Variants in RSPO2 observed in about 807,000 individuals in gnomAD.
RSPO2 encodes R-spondin 2.
In RSPO2, 14 loss-of-function variants were observed where a neutral mutation model predicts 30.9. The observed-to-expected ratio is 0.45, with a 90% CI of 0.30 to 0.71. RSPO2 has a LOEUF of 0.71. RSPO2 is among the 30% of genes least tolerant of loss of function. RSPO2 has a pLI of 0.08. For missense variants in RSPO2, 264 were observed against 301.9 expected, an observed-to-expected ratio of 0.87 and a Z score of 0.93; for synonymous variants, 107 against 96.4, an observed-to-expected ratio of 1.11 and a Z score of -0.64.
At chr8:108,028,791 T>C (rs959812912) in intron 2 of RSPO2, among the ~76,000 whole-genome samples, 1 of 152,154 alleles carries the variant, frequency 6.6e-6, no homozygotes, top group Non-Finnish European at 1.5e-5. Flanking sequence ...CATGATGCCT[T>C]GTCATCCTTC....
chr8:107,905,786 C>T (rs56656218), intron 5 of RSPO2, among the ~76,000 whole-genome samples: 33,476 of 141,304 alleles, frequency 0.24, 4,097 homozygotes, highest in Middle Eastern at 0.38. Context: ...TTTTTTTTTT[C>T]CCATATGGGC....
At chr8:108,025,439 C>A (rs1375725863) in intron 2 of RSPO2, among the ~76,000 whole-genome samples, 1 of 152,154 alleles carries the variant, frequency 6.6e-6, no homozygotes, top group Non-Finnish European at 1.5e-5. Flanking sequence ...GAATAAATGG[C>A]AGTAAGAGAT....
At chr8:108,034,737 C>T (rs996540685) in intron 2 of RSPO2, among the ~76,000 whole-genome samples, 1 of 152,158 alleles carries the variant, frequency 6.6e-6, no homozygotes. Context: ...GGAGATTTTG[C>T]TGTGCCCTGG....
intron 3 of RSPO2, among the ~76,000 whole-genome samples, chr8:107,985,476 T>C (rs1413661055): frequency 6.6e-6 from 1 of 152,158 alleles, no homozygotes; most frequent in Non-Finnish European, 1.5e-5. Flanking sequence ...GGCATGAAAA[T>C]ATGTTCATAA....
At chr8:108,073,192 TC>T (rs1457974091) in intron 2 of RSPO2, 2 of 152,238 alleles carry the variant, frequency 1.3e-5, no homozygotes, top group African/African-American at 4.8e-5. Context: ...GTTCCTTTGT[TC>T]TCTCTGTGAT....
intron 5 of RSPO2, among the ~76,000 whole-genome samples, chr8:107,947,730 C>G (rs542306015): frequency 6.6e-6 from 1 of 152,228 alleles, no homozygotes; most frequent in African/African-American, 2.4e-5. Flanking sequence ...CAGCTTTCTA[C>G]TGAAACACCT....
intron 3 of RSPO2, among the ~76,000 whole-genome samples, chr8:107,977,216 T>C (rs912714580): frequency 6.6e-6 from 1 of 152,220 alleles, no homozygotes; most frequent in Non-Finnish European, 1.5e-5. Flanking sequence ...AAACTCGTCT[T>C]CCATTAAATA....
At chr8:107,920,207 A>G (rs1243740564) in intron 5 of RSPO2, among the ~76,000 whole-genome samples, 1 of 152,136 alleles carries the variant, frequency 6.6e-6, no homozygotes, top group Non-Finnish European at 1.5e-5. Flanking sequence ...TTTAATTACT[A>G]TGGCTACCAC....
chr8:108,012,517 T>C (rs1270130268), intron 2 of RSPO2, among the ~76,000 whole-genome samples: 6 of 152,378 alleles, frequency 3.9e-5, no homozygotes, highest in African/African-American at 9.6e-5. Context: ...TTTTCCTACA[T>C]ATAGATGAAA....
chr8:107,926,490 G>A (rs541551002), intron 5 of RSPO2, among the ~76,000 whole-genome samples: 245 of 151,892 alleles, frequency 1.6e-3, no homozygotes, highest in Middle Eastern at 6.8e-3. Flanking sequence ...CCTATGTCCA[G>A]AATAGTATTG....
chr8:108,056,612 C>T (rs1484952010), intron 2 of RSPO2, among the ~76,000 whole-genome samples: 4 of 105,992 alleles, frequency 3.8e-5, no homozygotes, highest in Non-Finnish European at 7.1e-5. Context: ...GACACAGAGC[C>T]AGACCCGTCT....
In RSPO2 at chr8:107,900,950, T is replaced by C. The variant is rs760775523; in HGVS notation, c.*125A>G. On this transcript the variant is annotated 3_prime_UTR_variant, in exon 6 of 6. Transcript: ENST00000276659. ...ATGCTGGTGGTGCTTCCTTTCACCA[T>C]GTTACTGGGAACAGATACTGGGCAG... 5 of 980,186 alleles carry C rather than the reference T, an allele frequency of 5.1e-6. No individual in the cohort carries two copies. The highest frequency in any genetic ancestry group is 7.5e-6 in the Non-Finnish European group (5 of 665,476). 60.7% of individuals were successfully genotyped at this position (980,186 alleles called of 1,614,324 possible). A position where few individuals can be genotyped will look rare whatever the true frequency, so the allele number is the denominator to read the frequency against.
chr8:107,976,118 C>A lies in RSPO2; in HGVS notation c.283+12938G>T, dbSNP rs185133667. ...TCCCTTTTCAATTTGGAAAAGAAACCAGCACAAAAGAATGCTGAAAGTGTA... is the reference window on the plus strand; with the variant it reads ...TCCCTTTTCAATTTGGAAAAGAAACAAGCACAAAAGAATGCTGAAAGTGTA... On this transcript the variant is annotated intron_variant, in intron 3 of 5. Coordinates refer to ENST00000276659, the MANE Select transcript of RSPO2 (RefSeq NM_178565.5). Among the ~76,000 whole-genome samples, 7 of 152,324 alleles carry A rather than the reference C, an allele frequency of 4.6e-5. No homozygotes were observed. In the East Asian group the frequency reaches 9.6e-4, roughly 21 times the overall value.
intron 3 of RSPO2, among the ~76,000 whole-genome samples, chr8:107,963,191 G>T (rs1813685734): frequency 6.6e-6 from 1 of 151,306 alleles, no homozygotes; most frequent in Non-Finnish European, 1.5e-5. Flanking sequence ...AAAGTACAAG[G>T]TGAAGTATAA....
chr8:107,975,971 A>G (rs1321470985), intron 3 of RSPO2, among the ~76,000 whole-genome samples: 2 of 152,218 alleles, frequency 1.3e-5, no homozygotes, highest in Non-Finnish European at 2.9e-5. Flanking sequence ...CCAGGGTATT[A>G]ACCAGCTGGT....
chr8:107,955,153 A>T (rs498232), intron 5 of RSPO2, among the ~76,000 whole-genome samples: 1 of 151,808 alleles, frequency 6.6e-6, no homozygotes, highest in Non-Finnish European at 1.5e-5. Flanking sequence ...GTGAAACTAC[A>T]CTCCTGGCCT....
At chr8:108,011,134 G>GAAAAAAAAAAAAAAAAA (rs66722934) in intron 2 of RSPO2, among the ~76,000 whole-genome samples, 5 of 100,452 alleles carry the variant, frequency 5.0e-5, no homozygotes, top group African/African-American at 1.1e-4. Flanking sequence ...CTCCGTCCCA[G>GAAAAAAAAAAAAAAAAA]AAAAAAAAAA....
At chr8:107,915,238 A>T (rs957687542) in intron 5 of RSPO2, among the ~76,000 whole-genome samples, 1 of 152,172 alleles carries the variant, frequency 6.6e-6, no homozygotes, top group Admixed American at 6.5e-5. Context: ...AAAACCAAAA[A>T]ATCTGGATAT....
At chr8:107,925,945 G>A (rs1812356193) in intron 5 of RSPO2, among the ~76,000 whole-genome samples, 1 of 152,112 alleles carries the variant, frequency 6.6e-6, no homozygotes, top group Admixed American at 6.6e-5. Context: ...GGGTCAAATA[G>A]TATTTCTAGT....
Sources: allele counts gnomAD v4.1 joint callset (sites outside exome capture counted in the v4.1 genomes callset), GRCh38; gene constraint gnomAD v4.1.1; transcripts MANE v1.5; gene names NCBI Gene and HGNC (gene_info 2026-07-23, HGNC 2026-07-21).